Variants in SMPD4 observed in about 807,000 individuals in gnomAD.
SMPD4 encodes sphingomyelin phosphodiesterase 4.
SMPD4 carries 58 observed loss-of-function variants against 97.8 expected under a neutral mutation model. The observed-to-expected ratio is 0.59, with a 90% confidence interval of 0.48 to 0.74. The LOEUF (loss-of-function observed/expected upper bound fraction) is 0.74. SMPD4 is among the 30% of genes least tolerant of loss of function. The pLI, the probability that SMPD4 is intolerant of heterozygous loss-of-function variation, is 0.00. For missense variants in SMPD4, 853 were observed against 1,080.5 expected (o/e 0.79, Z 2.95); for synonymous variants, 388 against 450.0 (o/e 0.86, Z 1.74).
chr2:130,163,196 G>A (rs549606043), intron 10 of SMPD4, among the ~76,000 whole-genome samples: 14 of 152,410 alleles, frequency 9.2e-5, no homozygotes, highest in African/African-American at 3.4e-4. Context: ...CCCCACGGGA[G>A]GAGCAGGCTC....
intron 13 of SMPD4, 180 bp from the exon 14 acceptor site, chr2:130,156,315 G>A: frequency 1.5e-6 from 1 of 687,278 alleles, no homozygotes; most frequent in East Asian, 2.7e-5. Flanking sequence ...AGAAGCCAGG[G>A]TGGGCTTTTC....
At chr2:130,165,620 G>A (rs186222050) in intron 9 of SMPD4, among the ~76,000 whole-genome samples, 1 of 152,290 alleles carries the variant, frequency 6.6e-6, no homozygotes, top group East Asian at 1.9e-4. Flanking sequence ...ACACAAATAA[G>A]TACTATGTGC....
chr2:130,154,197 C>A, intron 16 of SMPD4, 80 bp downstream of exon 16: 7 of 1,462,158 alleles, frequency 4.8e-6, no homozygotes, highest in Non-Finnish European at 6.4e-6. Flanking sequence ...CTCCTTCCTG[C>A]TGGATCACAG....
chr2:130,177,131 A>G (rs1241351187), intron 1 of SMPD4, among the ~76,000 whole-genome samples: 1 of 152,070 alleles, frequency 6.6e-6, no homozygotes, highest in Non-Finnish European at 1.5e-5. Context: ...CTCAGGCTGC[A>G]GTACAGTGGT....
rs545177321 is a variant in SMPD4 at position 130,161,236 on chromosome 2, C to T, written c.901G>A (p.Ala301Thr). The T allele has an allele frequency of 7.4e-6, 12 of 1,613,860 alleles. No homozygotes were observed. The highest frequency in any genetic ancestry group is 1.7e-4 in the Middle Eastern group (1 of 5,964). ...VLHYRLSVSS[A>T]LYSPAQPSLQ... ...CTGGGTTGGGCGGGGCTGTAGAGGG[C>T]GCTGGAGACACTGAGTCGGTAGTGC... Residue 301 changes from alanine (A) to threonine (T), a missense_variant, in exon 11 of 20, where the codon GCC (alanine) becomes ACC (threonine). Physicochemically the swap from Ala to Thr is moderately conservative, Grantham distance 58. Transcript: ENST00000680298.
Position 130,175,004 on chromosome 2 carries a change from G to C in SMPD4, c.40-4C>G, listed in dbSNP as rs753649313. Reference sequence around the variant, plus strand: ...TAGAGTCAGCTTTCAGGCTAGCCTAGAAGACAGAACAAAGCGAAAAAGTCA... The same window carrying C: ...TAGAGTCAGCTTTCAGGCTAGCCTACAAGACAGAACAAAGCGAAAAAGTCA... On this transcript the variant is annotated splice_region_variant and splice_polypyrimidine_tract_variant and intron_variant, in intron 2 of 19. Coordinates refer to ENST00000680298, the MANE Select transcript of SMPD4 (RefSeq NM_017951.5). The C allele has an allele frequency of 1.9e-6, 3 of 1,600,754 alleles. No individual in the cohort carries two copies. Among genetic ancestry groups the C allele is most frequent in the East Asian group, 4.5e-5 (2 of 44,472 alleles).
At chr2:130,170,663 T>C (rs746200433) in intron 8 of SMPD4, among the ~76,000 whole-genome samples, 14 of 151,096 alleles carry the variant, frequency 9.3e-5, no homozygotes, top group Non-Finnish European at 1.9e-4. Flanking sequence ...ACTTGGGAGG[T>C]TGAAGTGGGA....
Sources: allele counts gnomAD v4.1 joint callset (sites outside exome capture counted in the v4.1 genomes callset), GRCh38; gene constraint gnomAD v4.1.1; transcripts MANE v1.5; gene names NCBI Gene and HGNC (gene_info 2026-07-23, HGNC 2026-07-21).